Variants in FAM13A observed in about 807,000 individuals in gnomAD.
FAM13A encodes family with sequence similarity 13 member A, also known as protein FAM13A.
Under a neutral mutation model 129.6 loss-of-function variants are expected in FAM13A, and 76 were observed. The ratio of observed to expected loss-of-function variants is 0.59; its 90% CI spans 0.49 to 0.71. The LOEUF (loss-of-function observed/expected upper bound fraction) is 0.71. Ranked by LOEUF, FAM13A falls within the 30% of genes least tolerant of loss-of-function variation. The probability of loss-of-function intolerance (pLI) is 0.00; values close to 1 mark genes in which losing one functional copy is unlikely to be tolerated. For synonymous variants in FAM13A, 443 were observed against 449.9 expected, an observed-to-expected ratio of 0.98 and a Z score of 0.20; for missense variants, 1,108 against 1,249.3, an observed-to-expected ratio of 0.89 and a Z score of 1.70.
intron 6 of FAM13A, among the ~76,000 whole-genome samples, chr4:88,864,764 G>A (rs1421043969): frequency 6.6e-6 from 1 of 152,190 alleles, no homozygotes; most frequent in Non-Finnish European, 1.5e-5. Context: ...TTATAAGCAT[G>A]TGCTATTTTT....
intron 4 of FAM13A, among the ~76,000 whole-genome samples, chr4:88,958,356 A>T (rs555726503): frequency 6.6e-6 from 1 of 152,238 alleles, no homozygotes; most frequent in African/African-American, 2.4e-5. Context: ...CTCCAGCTCC[A>T]CCCCTGGCTC....
Position 88,781,146 on chromosome 4 carries a change from T to G in FAM13A, c.1458+19A>C, listed in dbSNP as rs183217117. 94 of 1,500,828 alleles carry G rather than the reference T, an allele frequency of 6.3e-5. No individual in the cohort carries two copies. The African/African-American group carries it at 1.2e-3, about 20-fold the overall frequency. 93.0% of individuals were successfully genotyped at this position (1,500,828 alleles called of 1,614,324 possible). A position where few individuals can be genotyped will look rare whatever the true frequency, so the allele number is the denominator to read the frequency against. On this transcript the variant is annotated intron_variant, in intron 11 of 23. Transcript: ENST00000264344. The stretch of plus-strand genomic sequence containing the variant: ...TAATATTTCCTAACAAGTAAAACTT[T>G]ATAGACGTATTCACTTACCACAAGA...
intron 4 of FAM13A, among the ~76,000 whole-genome samples, chr4:88,977,204 G>T (rs1761034537): frequency 1.3e-5 from 2 of 152,096 alleles, no homozygotes; most frequent in South Asian, 4.1e-4. Flanking sequence ...TCTTGCATTT[G>T]GGGTGATTAA....
chr4:88,739,956 G>A (rs1337762624), intron 19 of FAM13A, among the ~76,000 whole-genome samples: 2 of 152,116 alleles, frequency 1.3e-5, no homozygotes, highest in Non-Finnish European at 2.9e-5. Context: ...ATCTGGCACA[G>A]GGCTAAAAAA....
intron 11 of FAM13A, among the ~76,000 whole-genome samples, chr4:88,776,539 A>G (rs1721748714): frequency 6.6e-6 from 1 of 152,202 alleles, no homozygotes; most frequent in South Asian, 2.1e-4. Flanking sequence ...AATCATTGCA[A>G]AATATTTTAT....
rs533001953 is a variant in FAM13A at position 89,030,439 on chromosome 4, T to C, written c.28-790A>G. On this transcript the variant is annotated intron_variant, in intron 1 of 23. Transcript: ENST00000264344. ...TGTGTCTTATATAAATGTTATTATA[T>C]ATGTTAATAAATCCAAACACTGAAA... is the stretch of plus-strand genomic sequence containing the variant. 1.9e-4 allele frequency among the ~76,000 whole-genome samples: 29 copies of C among 152,280 alleles called. No homozygotes were observed. The South Asian group carries it at 6.0e-3, about 32-fold the overall frequency.
At chr4:88,845,366 C>G (rs1736466491) in intron 7 of FAM13A, among the ~76,000 whole-genome samples, 1 of 152,030 alleles carries the variant, frequency 6.6e-6, no homozygotes, top group Non-Finnish European at 1.5e-5. Context: ...AGAACTAGGA[C>G]TGAGCTCAGG....
At chr4:88,985,264 G>A (rs557247524) in intron 4 of FAM13A, among the ~76,000 whole-genome samples, 1 of 152,322 alleles carries the variant, frequency 6.6e-6, no homozygotes, top group African/African-American at 2.4e-5. Context: ...GAAAGTAGAT[G>A]AGTGGTTGCC....
At chr4:88,880,785 G>C (rs1314987259) in intron 6 of FAM13A, among the ~76,000 whole-genome samples, 2 of 20,504 alleles carry the variant, frequency 9.8e-5, no homozygotes, top group Non-Finnish European at 2.0e-4. Flanking sequence ...GTGGGGGGCG[G>C]GGGGGGGGGG....
chr4:88,876,092 G>A (rs1742388797), intron 6 of FAM13A, among the ~76,000 whole-genome samples: 1 of 152,110 alleles, frequency 6.6e-6, no homozygotes, highest in African/African-American at 2.4e-5. Flanking sequence ...ACTGAACAAT[G>A]AGAACACTTG....
At chr4:88,925,479 C>T (rs925739924) in intron 5 of FAM13A, among the ~76,000 whole-genome samples, 5 of 146,966 alleles carry the variant, frequency 3.4e-5, no homozygotes, top group Non-Finnish European at 7.4e-5. Context: ...ACTGCGTGTT[C>T]TCACTCATAG....
intron 4 of FAM13A, among the ~76,000 whole-genome samples, chr4:88,968,500 A>T (rs935140150): frequency 5.9e-5 from 9 of 152,186 alleles, no homozygotes; most frequent in Admixed American, 2.0e-4. Context: ...TACTTACTCT[A>T]CAATGATTTT....
chr4:88,904,131 G>A (rs944245259), intron 6 of FAM13A, among the ~76,000 whole-genome samples: 1 of 152,092 alleles, frequency 6.6e-6, no homozygotes, highest in Admixed American at 6.6e-5. Context: ...ATGCTGATGA[G>A]GTTGCAGAGA....
At chr4:89,029,717 G>T (rs753644829) in intron 1 of FAM13A, 68 bp from the exon 2 acceptor site, 3 of 1,254,446 alleles carry the variant, frequency 2.4e-6, no homozygotes, top group Non-Finnish European at 3.4e-6. Context: ...GGTTACAACA[G>T]AAACACCTGA....
rs150999762 is a variant in FAM13A, at chr4:88,747,696, A to G, written c.2317T>C (p.Leu773=). 9 of 1,614,016 alleles carry G rather than the reference A, an allele frequency of 5.6e-6. No homozygotes were observed. Among genetic ancestry groups the G allele is most frequent in the Middle Eastern group, 1.6e-4 (1 of 6,084 alleles). ...KAIKPSVEAT[L]ESIQRKLQEK... ...TGGAGCTTCCTCTGAATAGATTCCA[A>G]TGTGGCTTCAACACTGGGCTTTATT... The change falls in exon 18 of 24, where the codon TTG becomes CTG. Residue 773 remains leucine (L), a synonymous_variant. Coordinates refer to ENST00000264344, the MANE Select transcript of FAM13A (RefSeq NM_014883.4).
intron 7 of FAM13A, among the ~76,000 whole-genome samples, chr4:88,834,147 A>C (rs1218818177): frequency 6.9e-6 from 1 of 144,834 alleles, no homozygotes; most frequent in African/African-American, 2.6e-5. Flanking sequence ...CCTTCACTCA[A>C]GTGGTCCTCC....
At chr4:88,735,194 G>A (rs1200272097) in intron 21 of FAM13A, among the ~76,000 whole-genome samples, 1 of 152,138 alleles carries the variant, frequency 6.6e-6, no homozygotes, top group Non-Finnish European at 1.5e-5. Flanking sequence ...ATCTCATGTT[G>A]CTCCAAAGGG....
intron 4 of FAM13A, among the ~76,000 whole-genome samples, chr4:88,944,175 C>T (rs1040697200): frequency 1.3e-5 from 2 of 151,940 alleles, no homozygotes; most frequent in Admixed American, 6.6e-5. Context: ...TCATTCTGGG[C>T]GACATAGTGA....
At chr4:88,879,803 G>A (rs76205359) in intron 6 of FAM13A, among the ~76,000 whole-genome samples, 5,837 of 152,258 alleles carry the variant, frequency 0.038, 147 homozygotes, top group Non-Finnish European at 0.06. Flanking sequence ...TGACCAGCAA[G>A]AGCAGAGTCT....
Sources: allele counts gnomAD v4.1 joint callset (sites outside exome capture counted in the v4.1 genomes callset), GRCh38; gene constraint gnomAD v4.1.1; transcripts MANE v1.5; gene names NCBI Gene and HGNC (gene_info 2026-07-23, HGNC 2026-07-21).